TMEM181: variants seen among roughly 807,000 people sequenced by gnomAD.
TMEM181 encodes transmembrane protein 181.
In TMEM181, 39 loss-of-function variants were observed where a neutral mutation model predicts 71.9. The ratio of observed to expected loss-of-function variants is 0.54; its 90% CI spans 0.42 to 0.71. The LOEUF (loss-of-function observed/expected upper bound fraction) is 0.71, where lower values mean the gene tolerates loss of function less well. Ranked by LOEUF, TMEM181 falls within the 30% of genes least tolerant of loss-of-function variation. The pLI, the probability that TMEM181 is intolerant of heterozygous loss-of-function variation, is 0.00. For missense variants in TMEM181, 595 were observed against 583.0 expected (o/e 1.02, Z -0.21); for synonymous variants, 245 against 228.8 (o/e 1.07, Z -0.64).
chr6:158,541,898 C>CTT (rs10583860), intron 1 of TMEM181, among the ~76,000 whole-genome samples: 883 of 66,586 alleles, frequency 0.013, no homozygotes, highest in Middle Eastern at 0.027. Flanking sequence ...GGGATTTTAT[C>CTT]TTTTTTTTTT....
At chr6:158,577,477 TACACAC>T (rs1028808391) in intron 2 of TMEM181, among the ~76,000 whole-genome samples, 2 of 152,090 alleles carry the variant, frequency 1.3e-5, no homozygotes, top group African/African-American at 4.8e-5. Flanking sequence ...TGGACCAACA[TACACAC>T]TCTGGGAGTC....
At chr6:158,599,526 A>C (rs1311654993) in intron 6 of TMEM181, among the ~76,000 whole-genome samples, 1 of 152,224 alleles carries the variant, frequency 6.6e-6, no homozygotes, top group Non-Finnish European at 1.5e-5. Context: ...TACTTATTTT[A>C]CATTTTAATT....
At position 158,573,372 on chromosome 6, in the gene TMEM181, C is replaced by T. The variant is rs769978779; in HGVS notation, c.9-48C>T. 1.1e-5 allele frequency: 16 copies of T among 1,478,122 alleles called. 1 individual carries two copies. Among genetic ancestry groups the T allele is most frequent in the Non-Finnish European group, 1.5e-5 (16 of 1,085,766 alleles). The allele number at this position is 1,478,122 out of a possible 1,614,324, so 91.6% of individuals were successfully genotyped here. ...TGCTGCAGGGCCGCTTTCCTGTGAC[C>T]TCCGGGCCTTCCCCTGACCGTCCCT... On this transcript the variant is annotated intron_variant, in intron 1 of 16. Coordinates refer to ENST00000684151, the MANE Select transcript of TMEM181 (RefSeq NM_001376852.1).
chr6:158,537,470 G>A (rs927707096), intron 1 of TMEM181, among the ~76,000 whole-genome samples: 1 of 152,212 alleles, frequency 6.6e-6, no homozygotes, highest in African/African-American at 2.4e-5. Context: ...GTTCATCTCT[G>A]TCTCCCTCTT....
At chr6:158,551,462 T>C (rs1781722305) in intron 1 of TMEM181, among the ~76,000 whole-genome samples, 1 of 152,144 alleles carries the variant, frequency 6.6e-6, no homozygotes, top group South Asian at 2.1e-4. Context: ...GTAAATGTTT[T>C]AAGGGACAAA....
intron 10 of TMEM181, among the ~76,000 whole-genome samples, chr6:158,614,074 T>C (rs1200108509): frequency 6.6e-6 from 1 of 152,218 alleles, no homozygotes; most frequent in South Asian, 2.1e-4. Context: ...TATGTTAATA[T>C]TATTCCCTCA....
Position 158,593,668 on chromosome 6 carries a change from G to A in TMEM181, c.492+3886G>A, listed in dbSNP as rs186251777. Among the ~76,000 whole-genome samples, 250 of 152,306 alleles carry A rather than the reference G, an allele frequency of 1.6e-3. 1 individual carries two copies. Among genetic ancestry groups the A allele is most frequent in the African/African-American group, 5.7e-3 (236 of 41,554 alleles). ...AGAACTGTATGCAAAGTGTTTGTAT[G>A]TCTTTTATAAAATTGCTGTTGAAGA... is the stretch of plus-strand genomic sequence containing the variant. On this transcript the variant is annotated intron_variant, in intron 6 of 16. Transcript: ENST00000684151.
chr6:158,602,572 A>G (rs1021862582), intron 6 of TMEM181, among the ~76,000 whole-genome samples: 4 of 151,888 alleles, frequency 2.6e-5, no homozygotes, highest in Non-Finnish European at 4.4e-5. Flanking sequence ...TAATCGGTGT[A>G]TAATGGTATT....
At chr6:158,570,815 C>T (rs1782763781) in intron 1 of TMEM181, among the ~76,000 whole-genome samples, 1 of 152,078 alleles carries the variant, frequency 6.6e-6, no homozygotes, top group African/African-American at 2.4e-5. Context: ...CATTTCCCCA[C>T]CATCTAGTCC....
chr6:158,623,103 A>G (rs1318697930), intron 10 of TMEM181, among the ~76,000 whole-genome samples: 7 of 152,198 alleles, frequency 4.6e-5, no homozygotes, highest in African/African-American at 1.7e-4. Flanking sequence ...CGTCTGCTCC[A>G]GTCCCCTGTC....
intron 10 of TMEM181, among the ~76,000 whole-genome samples, chr6:158,622,040 T>G (rs1282700055): frequency 6.6e-6 from 1 of 151,880 alleles, no homozygotes; most frequent in East Asian, 1.9e-4. Flanking sequence ...CCCACCTGGC[T>G]GCCGAGGCCC....
intron 1 of TMEM181, among the ~76,000 whole-genome samples, chr6:158,540,747 C>T (rs962438032): frequency 2.0e-5 from 3 of 152,116 alleles, no homozygotes; most frequent in Non-Finnish European, 2.9e-5. Context: ...GCTGGCTGCA[C>T]ATCAGAATCA....
rs1041495281 is a variant in TMEM181 at position 158,633,281 on chromosome 6, C to T, written c.*1393C>T. On this transcript the variant is annotated 3_prime_UTR_variant, in exon 17 of 17. Coordinates refer to ENST00000684151, the MANE Select transcript of TMEM181 (RefSeq NM_001376852.1). ...CCACATGGCGGTCAGGTAGGGACGA[C>T]CTGTTCTGTAAAGTCCTTGGCACTG... The T allele has an allele frequency of 3.3e-5, 5 of 152,180 alleles. No individual in the cohort carries two copies. Among genetic ancestry groups the T allele is most frequent in the African/African-American group, 1.2e-4 (5 of 41,432 alleles). 9.4% of individuals were successfully genotyped at this position (152,180 alleles called of 1,614,324 possible).
intron 1 of TMEM181, among the ~76,000 whole-genome samples, chr6:158,572,662 G>C (rs555888176): frequency 6.6e-6 from 1 of 152,324 alleles, no homozygotes; most frequent in East Asian, 1.9e-4. Flanking sequence ...TCTTTTGTTT[G>C]CTGGCCCTTG....
chr6:158,611,458 T>C lies in TMEM181; in HGVS notation c.896+2708T>C, dbSNP rs553822573. The C allele has an allele frequency of 3.5e-4, 188 of 538,440 alleles. 1 individual carries two copies. Among genetic ancestry groups the C allele is most frequent in the African/African-American group, 3.4e-3 (176 of 52,134 alleles). 33.4% of individuals were successfully genotyped at this position (538,440 alleles called of 1,614,324 possible). On this transcript the variant is annotated intron_variant, in intron 10 of 16. Coordinates refer to ENST00000684151, the MANE Select transcript of TMEM181 (RefSeq NM_001376852.1). ...CTATCCGTCTTCCTTTTCTGGACCT[T>C]GTTGGGTTCCTCAGTCGTATCATTC...
rs1465730435 is a variant in TMEM181, at chr6:158,562,554, T to C, written c.8+2322T>C. Reference sequence around the variant, plus strand: ...TCCTGGGGGCATTTCAATGTAGAAGTGTATTAATTAGAACCACCTTCGGCT... The same window carrying C: ...TCCTGGGGGCATTTCAATGTAGAAGCGTATTAATTAGAACCACCTTCGGCT... On this transcript the variant is annotated intron_variant, in intron 1 of 16. Coordinates refer to ENST00000684151, the MANE Select transcript of TMEM181 (RefSeq NM_001376852.1). Among the ~76,000 whole-genome samples, 8 of 152,036 alleles carry C rather than the reference T, an allele frequency of 5.3e-5. No homozygotes were observed. The East Asian group carries it at 1.4e-3, about 26-fold the overall frequency.
At chr6:158,594,231 T>A (rs1784271074) in intron 6 of TMEM181, among the ~76,000 whole-genome samples, 1 of 151,556 alleles carries the variant, frequency 6.6e-6, no homozygotes, top group Admixed American at 6.6e-5. Context: ...CCTGGGTAGC[T>A]GGGATTACAG....
chr6:158,623,847 G>A (rs566102004), intron 11 of TMEM181, among the ~76,000 whole-genome samples: 2 of 151,686 alleles, frequency 1.3e-5, no homozygotes, highest in African/African-American at 2.4e-5. Flanking sequence ...TGCAGCCTCC[G>A]CCTCCTGGGT....
At chr6:158,612,370 G>A (rs1166064278) in intron 10 of TMEM181, among the ~76,000 whole-genome samples, 1 of 152,216 alleles carries the variant, frequency 6.6e-6, no homozygotes, top group Non-Finnish European at 1.5e-5. Context: ...TGCTGGGTGG[G>A]AGAGGTAGAG....
Sources: allele counts gnomAD v4.1 joint callset (sites outside exome capture counted in the v4.1 genomes callset), GRCh38; gene constraint gnomAD v4.1.1; transcripts MANE v1.5; gene names NCBI Gene and HGNC (gene_info 2026-07-23, HGNC 2026-07-21).